The following ZBTB8A variants were observed in gnomAD, a reference collection of about 807,000 sequenced individuals.
ZBTB8A encodes zinc finger and BTB domain containing 8A.
A neutral mutation model predicts 37.8 loss-of-function variants in ZBTB8A; 19 were observed. The ratio of observed to expected loss-of-function variants is 0.50; its 90% confidence interval spans 0.35 to 0.74. The LOEUF is 0.74. Among genes scored for constraint, ZBTB8A ranks in the 30% least tolerant of loss-of-function variants. ZBTB8A has a pLI of 0.01. For missense variants in ZBTB8A, 394 were observed against 537.8 expected, an observed-to-expected ratio of 0.73 and a Z score of 2.65; for synonymous variants, 181 against 185.2, an observed-to-expected ratio of 0.98 and a Z score of 0.19.
chr1:32,576,362 C>T (rs1399750841), intron 2 of ZBTB8A, among the ~76,000 whole-genome samples: 4 of 152,096 alleles, frequency 2.6e-5, no homozygotes, highest in African/African-American at 4.8e-5. Flanking sequence ...CTGTCCCCAC[C>T]GTTTCTGGAA....
At chr1:32,561,772 C>T (rs1281123419) in intron 2 of ZBTB8A, among the ~76,000 whole-genome samples, 2 of 151,778 alleles carry the variant, frequency 1.3e-5, no homozygotes, top group African/African-American at 4.8e-5. Context: ...CCAGGATGAC[C>T]TCATCTTAAC....
intron 4 of ZBTB8A, among the ~76,000 whole-genome samples, chr1:32,597,851 G>A (rs1644544758): frequency 6.6e-6 from 1 of 151,944 alleles, no homozygotes; most frequent in African/African-American, 2.4e-5. Flanking sequence ...CTGGGTTCAA[G>A]TGATTCTCCT....
At chr1:32,594,996 T>G in intron 3 of ZBTB8A, 58 bp from the exon 4 acceptor site, 1 of 1,440,438 alleles carries the variant, frequency 6.9e-7, no homozygotes, top group East Asian at 2.3e-5. Context: ...TTGGATTCTT[T>G]CTGTTATTAG....
chr1:32,570,800 G>A (rs1644317232), intron 2 of ZBTB8A, among the ~76,000 whole-genome samples: 3 of 151,534 alleles, frequency 2.0e-5, no homozygotes, highest in Admixed American at 2.0e-4. Flanking sequence ...TTCTTTATAG[G>A]ATTTTCTGTA....
At chr1:32,555,330 A>G (rs1407257365) in intron 2 of ZBTB8A, among the ~76,000 whole-genome samples, 1 of 152,118 alleles carries the variant, frequency 6.6e-6, no homozygotes, top group Non-Finnish European at 1.5e-5. Flanking sequence ...CGGAGCTTGC[A>G]GTGAGCTGAG....
At chr1:32,560,671 G>T (rs2148224515) in intron 2 of ZBTB8A, among the ~76,000 whole-genome samples, 2 of 135,912 alleles carry the variant, frequency 1.5e-5, no homozygotes, top group Middle Eastern at 8.1e-3. Flanking sequence ...CCAGGCTGGA[G>T]AAGTTCAGTG....
intron 2 of ZBTB8A, among the ~76,000 whole-genome samples, chr1:32,579,382 C>G (rs976960904): frequency 1.3e-5 from 2 of 149,678 alleles, no homozygotes; most frequent in African/African-American, 4.9e-5. Context: ...ACCCGGGAGG[C>G]GGAGGTTGCA....
intron 2 of ZBTB8A, among the ~76,000 whole-genome samples, chr1:32,555,659 C>T (rs563462406): frequency 6.6e-6 from 1 of 152,158 alleles, no homozygotes; most frequent in Non-Finnish European, 1.5e-5. Context: ...TTCCTCTGAG[C>T]CCCTTCATTT....
intron 2 of ZBTB8A, among the ~76,000 whole-genome samples, chr1:32,584,241 T>C (rs1171102831): frequency 1.3e-5 from 2 of 152,186 alleles, no homozygotes; most frequent in Non-Finnish European, 2.9e-5. Context: ...ACCATGGTCC[T>C]GTTTGCAATT....
intron 1 of ZBTB8A, among the ~76,000 whole-genome samples, chr1:32,550,881 C>T (rs541081658): frequency 2.4e-3 from 346 of 143,240 alleles, no homozygotes; most frequent in Non-Finnish European, 4.3e-3. Context: ...CGCTTGAACC[C>T]GGGAGGCGGA....
intron 4 of ZBTB8A, among the ~76,000 whole-genome samples, chr1:32,598,546 T>C (rs1644550652): frequency 6.6e-6 from 1 of 152,030 alleles, no homozygotes; most frequent in Non-Finnish European, 1.5e-5. Context: ...TTCTTGGAGT[T>C]TTTTACTGTG....
intron 1 of ZBTB8A, among the ~76,000 whole-genome samples, chr1:32,540,642 G>A (rs529305962): frequency 6.6e-6 from 1 of 152,066 alleles, no homozygotes; most frequent in African/African-American, 2.4e-5. Context: ...TCTTAACACA[G>A]CGCTTCCCTG....
intron 4 of ZBTB8A, among the ~76,000 whole-genome samples, chr1:32,598,565 C>T (rs1352442395): frequency 6.6e-6 from 1 of 151,906 alleles, no homozygotes; most frequent in African/African-American, 2.4e-5. Context: ...TGTTTGGTGC[C>T]CTACTTCTGC....
At position 32,586,168 on chromosome 1, in the gene ZBTB8A, A is replaced by G. The variant is rs189568438; in HGVS notation, c.-1-6763A>G. ...CCCCGTCTGTACTTAAAAAAATACA[A>G]AATTAACCGGGGTGGTGGTGCATGC... On this transcript the variant is annotated intron_variant, in intron 2 of 4. Coordinates refer to ENST00000373510, the MANE Select transcript of ZBTB8A (RefSeq NM_001040441.3). 2.5e-4 allele frequency among the ~76,000 whole-genome samples: 38 copies of G among 151,178 alleles called. No individual in the cohort carries two copies. The East Asian group carries it at 3.9e-3, about 16-fold the overall frequency.
chr1:32,578,432 C>T (rs1446578648), intron 2 of ZBTB8A, among the ~76,000 whole-genome samples: 1 of 151,892 alleles, frequency 6.6e-6, no homozygotes, highest in Non-Finnish European at 1.5e-5. Context: ...AGTCTGGTCT[C>T]CATCTCCTGA....
intron 1 of ZBTB8A, among the ~76,000 whole-genome samples, chr1:32,550,248 T>C (rs1644141397): frequency 6.6e-6 from 1 of 152,096 alleles, no homozygotes; most frequent in Non-Finnish European, 1.5e-5. Flanking sequence ...AGAGTGGAAC[T>C]TGGTGTCATC....
In ZBTB8A at chr1:32,593,677, T is replaced by C. The variant is rs1644507455; in HGVS notation, c.746T>C (p.Ile249Thr). The change falls in exon 3 of 5, where the codon ATT becomes ACT. Residue 249 changes from isoleucine to threonine, a missense_variant. Around this residue, in one of 4 missense-constraint regions of ZBTB8A, gnomAD observed 171 missense variants for 186.8 expected, o/e 0.92. Coordinates refer to ENST00000373510, the MANE Select transcript of ZBTB8A (RefSeq NM_001040441.3). Reference sequence around the variant, plus strand: ...TCCCAGTCTGAAGAACAAGCACAGATTGATGCTGAAATGGACTCTACTCCT... The same window carrying C: ...TCCCAGTCTGAAGAACAAGCACAGACTGATGCTGAAATGGACTCTACTCCT... ...HVSQSEEQAQ[I>T]DAEMDSTPVG... The C allele has an allele frequency of 6.2e-7, 1 of 1,614,048 alleles. No individual in the cohort carries two copies. Among genetic ancestry groups the C allele is most frequent in the African/African-American group, 1.3e-5 (1 of 74,928 alleles).
chr1:32,589,929 G>A (rs1557715951), intron 2 of ZBTB8A, among the ~76,000 whole-genome samples: 2 of 151,910 alleles, frequency 1.3e-5, no homozygotes, highest in Non-Finnish European at 1.5e-5. Flanking sequence ...ATGTACAGAG[G>A]GGAATGATTT....
rs1373842820 is a variant in ZBTB8A at position 32,604,447 on chromosome 1, T to C, written c.*4028T>C. On this transcript the variant is annotated 3_prime_UTR_variant, in exon 5 of 5. Transcript: ENST00000373510. Reference sequence around the variant, plus strand: ...AATTAGACAACTTCCTGAATTCCCTTTGAGCCTTGCAGCCTCATTTCGTTA... The same window carrying C: ...AATTAGACAACTTCCTGAATTCCCTCTGAGCCTTGCAGCCTCATTTCGTTA... The C allele has an allele frequency of 1.3e-5, 2 of 152,186 alleles. No homozygotes were observed. The highest frequency in any genetic ancestry group is 4.8e-5 in the African/African-American group (2 of 41,444). The allele number at this position is 152,186 out of a possible 1,614,324, so 9.4% of individuals were successfully genotyped here. A position where few individuals can be genotyped will look rare whatever the true frequency, so the allele number is the denominator to read the frequency against.
Sources: gnomAD v4.1 joint callset for allele counts (sites outside exome capture counted in the v4.1 genomes callset) on GRCh38, gnomAD v4.1.1 for gene constraint, gnomAD v4.1.1 regional missense constraint, MANE v1.5 for transcripts, NCBI Gene and HGNC (gene_info 2026-07-23, HGNC 2026-07-21) for gene names.